NIPSNAP2: variants seen among roughly 807,000 people sequenced by gnomAD.
NIPSNAP2 encodes nipsnap homolog 2, also known as protein NipSnap homolog 2.
NIPSNAP2 carries 42 observed loss-of-function variants against 48.4 expected under a neutral mutation model. That is an observed-to-expected ratio of 0.87 (90% confidence interval 0.68 to 1.12). The LOEUF (loss-of-function observed/expected upper bound fraction) is 1.12, where lower values mean the gene tolerates loss of function less well. Ranked by LOEUF, NIPSNAP2 falls within the 50% of genes most tolerant of loss-of-function variation. NIPSNAP2 has a pLI of 0.00. For synonymous variants in NIPSNAP2, 158 were observed against 126.6 expected (o/e 1.25, Z -1.67); for missense variants, 314 against 347.3 (o/e 0.90, Z 0.76).
intron 7 of NIPSNAP2, among the ~76,000 whole-genome samples, chr7:55,991,231 A>G (rs1382991862): frequency 6.6e-6 from 1 of 152,146 alleles, no homozygotes; most frequent in African/African-American, 2.4e-5. Context: ...AGGCTAAATA[A>G]TGGAAGTTAG....
chr7:55,985,824 G>A (rs566738269), intron 7 of NIPSNAP2, among the ~76,000 whole-genome samples: 2 of 151,160 alleles, frequency 1.3e-5, no homozygotes, highest in South Asian at 4.2e-4. Flanking sequence ...GAGGTGGGCA[G>A]ATCACCTGAA....
intron 9 of NIPSNAP2, among the ~76,000 whole-genome samples, chr7:55,998,617 C>T (rs1584354644): frequency 6.6e-6 from 1 of 151,098 alleles, no homozygotes; most frequent in African/African-American, 2.4e-5. Flanking sequence ...TCTCCCGCCT[C>T]AGCCTCCTGA....
chr7:55,989,124 G>A (rs1406765017), intron 7 of NIPSNAP2, among the ~76,000 whole-genome samples: 2 of 152,178 alleles, frequency 1.3e-5, no homozygotes, highest in East Asian at 1.9e-4. Context: ...GCAGAGGGTG[G>A]GATTAGCCAG....
chr7:55,971,355 T>C (rs924093492), intron 1 of NIPSNAP2, among the ~76,000 whole-genome samples: 1 of 152,186 alleles, frequency 6.6e-6, no homozygotes, highest in East Asian at 1.9e-4. Context: ...TTCTTTTGTG[T>C]GTGCTGTGTT....
chr7:55,996,986 G>C (rs555145559), intron 8 of NIPSNAP2, among the ~76,000 whole-genome samples: 1 of 152,130 alleles, frequency 6.6e-6, no homozygotes, highest in East Asian at 1.9e-4. Context: ...TTTGACATCT[G>C]ACTGGGCACA....
intron 1 of NIPSNAP2, among the ~76,000 whole-genome samples, chr7:55,969,884 G>A (rs895093566): frequency 2.0e-5 from 3 of 151,414 alleles, no homozygotes; most frequent in Admixed American, 2.0e-4. Flanking sequence ...TCAGGAGGCT[G>A]AGGCAGGAGA....
chr7:55,993,726 G>A (rs1303929336), intron 7 of NIPSNAP2, among the ~76,000 whole-genome samples: 2 of 152,018 alleles, frequency 1.3e-5, no homozygotes, highest in Non-Finnish European at 2.9e-5. Context: ...GGAGACAGAG[G>A]AAGACTGTTT....
At chr7:55,989,568 C>T (rs906830347) in intron 7 of NIPSNAP2, among the ~76,000 whole-genome samples, 1 of 151,968 alleles carries the variant, frequency 6.6e-6, no homozygotes, top group African/African-American at 2.4e-5. Flanking sequence ...GAGGCTGCAG[C>T]AAGCCATGAT....
At chr7:55,978,422 T>TG (rs1285996730) in intron 3 of NIPSNAP2, 27 bp downstream of exon 3, 9 of 1,577,550 alleles carry the variant, frequency 5.7e-6, no homozygotes, top group Non-Finnish European at 7.8e-6. Context: ...ATCCTTTACT[T>TG]GGGGAAAAAT....
intron 7 of NIPSNAP2, 123 bp downstream of exon 7, chr7:55,985,001 C>A: frequency 4.5e-6 from 3 of 670,660 alleles, no homozygotes; most frequent in Non-Finnish European, 7.6e-6. Context: ...ACTAATGTTT[C>A]GTTTGATGTT....
chr7:55,967,851 T>C (rs192975282), intron 1 of NIPSNAP2, among the ~76,000 whole-genome samples: 25 of 152,132 alleles, frequency 1.6e-4, no homozygotes, highest in Admixed American at 4.6e-4. Flanking sequence ...GGTTTCTCCA[T>C]GTTGCCCAGG....
At chr7:55,985,460 T>G (rs1647700431) in intron 7 of NIPSNAP2, among the ~76,000 whole-genome samples, 1 of 145,174 alleles carries the variant, frequency 6.9e-6, no homozygotes, top group South Asian at 2.2e-4. Flanking sequence ...ACTAGCCAGG[T>G]GCACTGTGGC....
intron 7 of NIPSNAP2, among the ~76,000 whole-genome samples, chr7:55,987,830 A>G (rs562460195): frequency 2.0e-5 from 3 of 152,310 alleles, no homozygotes; most frequent in East Asian, 1.9e-4. Context: ...ATTGGTGTTT[A>G]TTGAGTATAG....
chr7:55,972,581 C>T (rs185471516), intron 1 of NIPSNAP2, among the ~76,000 whole-genome samples: 28 of 151,538 alleles, frequency 1.8e-4, no homozygotes, highest in African/African-American at 5.6e-4. Context: ...TACAGGCATG[C>T]GCCACCATGC....
At chr7:55,990,573 G>A (rs1787422121) in intron 7 of NIPSNAP2, among the ~76,000 whole-genome samples, 1 of 151,930 alleles carries the variant, frequency 6.6e-6, no homozygotes, top group Non-Finnish European at 1.5e-5. Flanking sequence ...TTATTTCTTT[G>A]AAGTAATTAT....
At chr7:55,976,568 G>T (rs920869322) in intron 1 of NIPSNAP2, among the ~76,000 whole-genome samples, 1 of 152,150 alleles carries the variant, frequency 6.6e-6, no homozygotes, top group Non-Finnish European at 1.5e-5. Flanking sequence ...GCTGGCATAT[G>T]GGAGTTCAAC....
chr7:55,975,421 AT>A (rs1787090483), intron 1 of NIPSNAP2, among the ~76,000 whole-genome samples: 1 of 152,144 alleles, frequency 6.6e-6, no homozygotes, highest in Admixed American at 6.6e-5. Context: ...AAGATCACCA[AT>A]TATAAAAGGG....
In NIPSNAP2 at chr7:55,999,258, AT is replaced by A; in HGVS notation, c.*188del. The A allele has an allele frequency of 1.7e-6, 1 of 602,708 alleles. No homozygotes were observed. The highest frequency in any genetic ancestry group is 2.9e-6 in the Non-Finnish European group (1 of 340,934). The allele number at this position is 602,708 out of a possible 1,614,324, so 37.3% of individuals were successfully genotyped here. On this transcript the variant is annotated 3_prime_UTR_variant, in exon 10 of 10. Transcript: ENST00000322090. ...AAAGGAAAGAATTACAGTTGGACTG[AT>A]TGTGACAGTGCCTTGTCGTCCTCTT...
rs1554343490 is a variant in NIPSNAP2 at position 55,986,983 on chromosome 7, T to TTAA, written c.617+2105_617+2106insTAA. Among the ~76,000 whole-genome samples the TTAA allele has an allele frequency of 1.4e-3, 78 of 54,798 alleles. 7 individuals are homozygous for TTAA. The highest frequency in any genetic ancestry group is 0.011 in the Middle Eastern group (1 of 92). The allele number at this position is 54,798 out of a possible 152,430, so 35.9% of individuals were successfully genotyped here. ...GCAACATGGTGAAACCCTGTCTCTATAAAAAAAAAAAAAAAAAAAAAAAAA... is the reference window on the plus strand; with the variant it reads ...GCAACATGGTGAAACCCTGTCTCTATTAAAAAAAAAAAAAAAAAAAAAAAAAAA... On this transcript the variant is annotated intron_variant, in intron 7 of 9. Coordinates refer to ENST00000322090, the MANE Select transcript of NIPSNAP2 (RefSeq NM_001483.3).
Sources: gnomAD v4.1 joint callset for allele counts (sites outside exome capture counted in the v4.1 genomes callset) on GRCh38, gnomAD v4.1.1 for gene constraint, MANE v1.5 for transcripts, NCBI Gene and HGNC (gene_info 2026-07-23, HGNC 2026-07-21) for gene names.